The following NDUFAF6 variants were observed in gnomAD, a reference collection of about 807,000 sequenced individuals.
NDUFAF6 encodes the protein NADH dehydrogenase (ubiquinone) complex I, assembly factor 6.
A neutral mutation model predicts 40.8 loss-of-function variants in NDUFAF6; 45 were observed. The observed-to-expected ratio is 1.10, with a 90% CI of 0.87 to 1.42. The LOEUF is 1.42. Ranked by LOEUF, NDUFAF6 falls within the 40% of genes most tolerant of loss-of-function variation. The probability of loss-of-function intolerance (pLI) is 0.00; values close to 1 mark genes in which losing one functional copy is unlikely to be tolerated. For missense variants in NDUFAF6, 435 were observed against 418.5 expected (o/e 1.04, Z -0.34); for synonymous variants, 185 against 155.9 (o/e 1.19, Z -1.39).
At chr8:94,904,810 C>T (rs1818284815) in intron 1 of NDUFAF6, among the ~76,000 whole-genome samples, 1 of 152,042 alleles carries the variant, frequency 6.6e-6, no homozygotes, top group African/African-American at 2.4e-5. Flanking sequence ...CCACCCCTTC[C>T]TTGAGTTCTT....
chr8:95,041,168 T>A (rs1489850671), intron 3 of NDUFAF6, among the ~76,000 whole-genome samples: 3 of 152,170 alleles, frequency 2.0e-5, no homozygotes, highest in Non-Finnish European at 4.4e-5. Context: ...GGAAGATAAT[T>A]TGAACACAGA....
rs1829387618 is a variant in NDUFAF6 at position 95,035,481 on chromosome 8, A to G, written c.325A>G (p.Ile109Val). 4 of 1,613,854 alleles carry G rather than the reference A, an allele frequency of 2.5e-6. No homozygotes were observed. Among genetic ancestry groups the G allele is most frequent in the Non-Finnish European group, 3.4e-6 (4 of 1,179,858 alleles). The part of the protein sequence containing the change: ...QVKDSVSEKT[I>V]GLMRMQFWKK... ...TAAAGACTCAGTCTCTGAGAAAACA[A>G]TTGGACTGATGCGAATGCAGTTTTG... Residue 109 changes from isoleucine to valine, a missense_variant, in exon 3 of 9, where the codon ATT becomes GTT. Physicochemically the swap from Ile to Val is conservative, Grantham distance 29. Coordinates refer to ENST00000396124, the MANE Select transcript of NDUFAF6 (RefSeq NM_152416.4).
intron 1 of NDUFAF6, among the ~76,000 whole-genome samples, chr8:94,970,331 A>G (rs1824367279): frequency 6.6e-6 from 1 of 152,080 alleles, no homozygotes. Flanking sequence ...GCAAAAAGTT[A>G]CTAATATCAT....
chr8:94,970,030 G>A (rs1824327165), intron 1 of NDUFAF6, among the ~76,000 whole-genome samples: 1 of 152,134 alleles, frequency 6.6e-6, no homozygotes, highest in Admixed American at 6.5e-5. Flanking sequence ...GCCGAGGCAG[G>A]CGGATCACGA....
intron 2 of NDUFAF6, among the ~76,000 whole-genome samples, chr8:95,088,728 T>TGTGTGTG (rs775391766): frequency 1.5e-3 from 83 of 54,222 alleles, no homozygotes; most frequent in Middle Eastern, 9.6e-3. Context: ...TGTGTGTGTG[T>TGTGTGTG]TTTCTTTTTG....
intron 3 of NDUFAF6, chr8:95,036,433 G>A (rs1456017067): frequency 1.6e-6 from 2 of 1,289,420 alleles, no homozygotes; most frequent in Non-Finnish European, 2.0e-6. Flanking sequence ...CAGAGCCCCA[G>A]TAAAGATGGA....
At chr8:94,915,626 C>T (rs1192701835) in intron 1 of NDUFAF6, among the ~76,000 whole-genome samples, 1 of 152,204 alleles carries the variant, frequency 6.6e-6, no homozygotes, top group African/African-American at 2.4e-5. Flanking sequence ...TCTGTTTTTA[C>T]TTCTTTGAAA....
At chr8:94,908,326 G>C (rs1818521955) in intron 1 of NDUFAF6, among the ~76,000 whole-genome samples, 1 of 152,218 alleles carries the variant, frequency 6.6e-6, no homozygotes, top group Non-Finnish European at 1.5e-5. Flanking sequence ...GTTGAGCAAA[G>C]AAAGGAGAAC....
chr8:94,999,900 T>C (rs568462505), intron 2 of NDUFAF6, among the ~76,000 whole-genome samples: 2 of 152,180 alleles, frequency 1.3e-5, no homozygotes, highest in Non-Finnish European at 2.9e-5. Context: ...AATTAGAAGA[T>C]ATTGACAGGA....
chr8:94,954,835 A>T (rs571069739), upstream of NDUFAF6, among the ~76,000 whole-genome samples: 1 of 152,180 alleles, frequency 6.6e-6, no homozygotes, highest in African/African-American at 2.4e-5. Context: ...GGCTTTTCCA[A>T]CACTTCCAGA....
At chr8:95,036,561 C>G in intron 3 of NDUFAF6, 1 of 1,205,362 alleles carries the variant, frequency 8.3e-7, no homozygotes, top group Non-Finnish European at 1.1e-6. Context: ...AGGTGACTCA[C>G]TAAAAAGTTT....
intron 1 of NDUFAF6, among the ~76,000 whole-genome samples, chr8:94,978,345 A>T (rs905916892): frequency 1.3e-5 from 2 of 152,200 alleles, no homozygotes; most frequent in Admixed American, 1.3e-4. Flanking sequence ...TCTTGCCCTC[A>T]GGACACTTTT....
At chr8:94,909,374 A>AC (rs1490685465) in intron 1 of NDUFAF6, among the ~76,000 whole-genome samples, 25 of 54,166 alleles carry the variant, frequency 4.6e-4, no homozygotes, top group African/African-American at 1.1e-3. Flanking sequence ...AAAAAAAAAA[A>AC]AAAAAAAACA....
At chr8:95,034,022 C>G in intron 2 of NDUFAF6, 3 of 457,824 alleles carry the variant, frequency 6.6e-6, no homozygotes, top group South Asian at 4.6e-5. Flanking sequence ...ACTCTTGCTG[C>G]TGTCTTGCTG....
rs563055972 is a variant in NDUFAF6, at chr8:95,113,521, C to T, written n.345-2015C>T. Among the ~76,000 whole-genome samples the T allele has an allele frequency of 2.0e-4, 31 of 152,256 alleles. 1 individual carries two copies. The highest frequency in any genetic ancestry group is 5.5e-4 in the African/African-American group (23 of 41,554). Reference sequence around the variant, plus strand: ...GGGGTCAGGAATTGTATCCAGGTTCCGGGAGGTGAGAACTTGGCGGGATTT... The same window carrying T: ...GGGGTCAGGAATTGTATCCAGGTTCTGGGAGGTGAGAACTTGGCGGGATTT... On this transcript the variant is annotated intron_variant and non_coding_transcript_variant, in intron 4 of 5. Transcript: ENST00000523184.
At chr8:95,098,652 A>G (rs1191173159), upstream of NDUFAF6, among the ~76,000 whole-genome samples, 2 of 152,206 alleles carry the variant, frequency 1.3e-5, no homozygotes, top group African/African-American at 2.4e-5. Context: ...CCTGGGCGAC[A>G]AGAACGAAAC....
chr8:94,912,971 C>G (rs540223701), intron 1 of NDUFAF6, among the ~76,000 whole-genome samples: 1 of 152,258 alleles, frequency 6.6e-6, no homozygotes, highest in Admixed American at 6.5e-5. Flanking sequence ...AAGCGAGACT[C>G]CATCTCAATC....
intron 2 of NDUFAF6, among the ~76,000 whole-genome samples, chr8:95,087,356 T>C (rs1438049135): frequency 1.3e-5 from 2 of 152,222 alleles, no homozygotes; most frequent in Non-Finnish European, 2.9e-5. Flanking sequence ...TTTGTACTTT[T>C]TCCTTTCTTG....
At chr8:94,982,760 A>G (rs1825548183) in intron 2 of NDUFAF6, among the ~76,000 whole-genome samples, 1 of 152,234 alleles carries the variant, frequency 6.6e-6, no homozygotes. Flanking sequence ...TGTAATAGAA[A>G]CCTTGAGATT....
Sources: gnomAD v4.1 joint callset for allele counts (sites outside exome capture counted in the v4.1 genomes callset) on GRCh38, gnomAD v4.1.1 for gene constraint, MANE v1.5 for transcripts, NCBI Gene and HGNC (gene_info 2026-07-23, HGNC 2026-07-21) for gene names.